The following CUX2 variants were observed in gnomAD, a reference collection of about 807,000 sequenced individuals.
The protein encoded by CUX2 is homeobox protein cut-like 2.
In CUX2, 40 loss-of-function variants were observed where a neutral mutation model predicts 144.8. That is an observed-to-expected ratio of 0.28 (90% CI 0.21 to 0.36). The LOEUF (loss-of-function observed/expected upper bound fraction) is 0.36, where lower values mean the gene tolerates loss of function less well. Among genes scored for constraint, CUX2 ranks in the 10% least tolerant of loss-of-function variants. The pLI is 1.00. For synonymous variants in CUX2, 827 were observed against 875.6 expected, an observed-to-expected ratio of 0.94 and a Z score of 0.98; for missense variants, 1,615 against 1,994.0, an observed-to-expected ratio of 0.81 and a Z score of 3.62.
At chr12:111,081,152 G>T (rs1032537305) in intron 1 of CUX2, among the ~76,000 whole-genome samples, 2 of 152,164 alleles carry the variant, frequency 1.3e-5, no homozygotes, top group Non-Finnish European at 2.9e-5. Flanking sequence ...CTGCTGCAGT[G>T]GTGGGAGGAT....
chr12:111,318,510 G>A (rs895303676), intron 16 of CUX2, among the ~76,000 whole-genome samples: 1 of 150,858 alleles, frequency 6.6e-6, no homozygotes, highest in African/African-American at 2.4e-5. Flanking sequence ...GAGCCCAGGA[G>A]TTTGAGACCA....
intron 21 of CUX2, 28 bp downstream of exon 21, chr12:111,342,081 C>A: frequency 6.3e-7 from 1 of 1,584,656 alleles, no homozygotes; most frequent in South Asian, 1.2e-5. Flanking sequence ...TACCCACAGG[C>A]GGGTGGCAGA....
intron 1 of CUX2, among the ~76,000 whole-genome samples, chr12:111,094,666 T>C (rs1872720444): frequency 6.6e-6 from 1 of 152,162 alleles, no homozygotes; most frequent in South Asian, 2.1e-4. Flanking sequence ...TCTGGCTAAT[T>C]TTTCTGGGCT....
intron 1 of CUX2, among the ~76,000 whole-genome samples, chr12:111,161,654 C>T (rs1179929688): frequency 1.3e-5 from 2 of 152,200 alleles, no homozygotes; most frequent in Non-Finnish European, 2.9e-5. Flanking sequence ...GTAGACAGGA[C>T]TGAAACAGGG....
At chr12:111,311,594 A>AT (rs767367160) in intron 15 of CUX2, among the ~76,000 whole-genome samples, 20,281 of 132,430 alleles carry the variant, frequency 0.15, 2,126 homozygotes, top group East Asian at 0.58. Flanking sequence ...CTATTTCTTT[A>AT]TTATTATTAT....
rs532019085 is a variant in CUX2, at chr12:111,240,723, C to G, written c.222+22786C>G. ...AATGCCTTGGATGGAGTCCAGTCTCCCCTCAGCCTCTCTTCTCATCTCCTC... is the reference window on the plus strand; with the variant it reads ...AATGCCTTGGATGGAGTCCAGTCTCGCCTCAGCCTCTCTTCTCATCTCCTC... On this transcript the variant is annotated intron_variant, in intron 3 of 21. Transcript: ENST00000261726. Among the ~76,000 whole-genome samples the G allele has an allele frequency of 1.1e-4, 16 of 152,270 alleles. No individual in the cohort carries two copies. In the East Asian group the frequency reaches 2.7e-3, roughly 26 times the overall value.
chr12:111,302,855 G>A (rs1247057394), intron 9 of CUX2, among the ~76,000 whole-genome samples: 1 of 144,988 alleles, frequency 6.9e-6, no homozygotes, highest in Non-Finnish European at 1.5e-5. Flanking sequence ...AGCCAAGATT[G>A]TGCCACTGCA....
At position 111,349,739 on chromosome 12, in the gene CUX2, C is replaced by T. The variant is rs1014601829; in HGVS notation, c.*1414C>T. On this transcript the variant is annotated 3_prime_UTR_variant, in exon 22 of 22. Transcript: ENST00000261726. ...GATAGAACGGCCACCATATTGGTTA[C>T]TGAATCTCTCTCCCTTGTTTTTATT... 2 of 152,336 alleles carry T rather than the reference C, an allele frequency of 1.3e-5. No homozygotes were observed. 9.4% of individuals were successfully genotyped at this position (152,336 alleles called of 1,614,324 possible). A position where few individuals can be genotyped will look rare whatever the true frequency, so the allele number is the denominator to read the frequency against.
rs1204805232 is a variant in CUX2 at position 111,062,868 on chromosome 12, C to T, written c.63+28628C>T. Among the ~76,000 whole-genome samples the T allele has an allele frequency of 7.2e-5, 11 of 152,262 alleles. No homozygotes were observed. The South Asian group carries it at 1.9e-3, about 26-fold the overall frequency. ...GAAGGCCCTGGGGTGGGAGACCATA[C>T]CTCTGGCTCCAGCAAGTGAAAGGTG... On this transcript the variant is annotated intron_variant, in intron 1 of 21. Transcript: ENST00000261726.
chr12:111,280,643 GTCACACGCCTCTC>G, intron 4 of CUX2, among the ~76,000 whole-genome samples: 1 of 152,300 alleles, frequency 6.6e-6, no homozygotes, highest in African/African-American at 2.4e-5. Context: ...CTGCAGGGGT[GTCACACGCCTCTC>G]TCCCAGCTTC....
chr12:111,211,844 G>A (rs915455484), intron 1 of CUX2, among the ~76,000 whole-genome samples: 7 of 149,206 alleles, frequency 4.7e-5, no homozygotes, highest in Non-Finnish European at 8.9e-5. Context: ...CTGAGATGGC[G>A]CCACTGCACC....
chr12:111,335,342 G>A (rs141102720), intron 19 of CUX2, among the ~76,000 whole-genome samples: 1,798 of 151,888 alleles, frequency 0.012, 25 homozygotes, highest in African/African-American at 0.038. Flanking sequence ...GCAGTGAGCC[G>A]AGATCACACC....
intron 18 of CUX2, among the ~76,000 whole-genome samples, chr12:111,326,909 A>G (rs1438485375): frequency 6.6e-6 from 1 of 152,188 alleles, no homozygotes; most frequent in Non-Finnish European, 1.5e-5. Flanking sequence ...TCTCAAACAA[A>G]GAAACAAACA....
intron 3 of CUX2, among the ~76,000 whole-genome samples, chr12:111,239,972 G>C (rs967782093): frequency 6.6e-6 from 1 of 152,210 alleles, no homozygotes; most frequent in Non-Finnish European, 1.5e-5. Context: ...TGGGGTGCAA[G>C]AAACAAAAAT....
chr12:111,308,434 C>G lies in CUX2; in HGVS notation c.1166C>G (p.Ala389Gly), dbSNP rs1446779854. ...CTGCCTCTTGTCTCCTAGGGCATGG[C>G]CAAGCCTGAAGACTCACTGCTTATT... ...SSTCSLPQGM[A>G]KPEDSLLIAK... The change falls in exon 14 of 22, where the codon GCC becomes GGC. Residue 389 changes from alanine to glycine, a missense_variant. Around this residue, in one of 12 missense-constraint regions of CUX2, gnomAD observed 57 missense variants for 60.8 expected, o/e 0.94. Transcript: ENST00000261726. The G allele has an allele frequency of 2.5e-6, 4 of 1,614,036 alleles. No individual in the cohort carries two copies. Among genetic ancestry groups the G allele is most frequent in the Non-Finnish European group, 3.4e-6 (4 of 1,180,010 alleles).
intron 3 of CUX2, among the ~76,000 whole-genome samples, chr12:111,256,430 G>A (rs1255259422): frequency 2.6e-5 from 4 of 151,944 alleles, no homozygotes; most frequent in Non-Finnish European, 4.4e-5. Context: ...GCCTCCTCTC[G>A]CTTGTCCACC....
intron 2 of CUX2, among the ~76,000 whole-genome samples, chr12:111,214,512 C>T (rs1340320042): frequency 6.6e-6 from 1 of 152,158 alleles, no homozygotes; most frequent in Non-Finnish European, 1.5e-5. Flanking sequence ...GAGGGCGGGG[C>T]GTTTCTCCAT....
chr12:111,345,620 T>C (rs1888765813), intron 21 of CUX2, among the ~76,000 whole-genome samples: 1 of 150,804 alleles, frequency 6.6e-6, no homozygotes, highest in Non-Finnish European at 1.5e-5. Flanking sequence ...CGGGCGCCTG[T>C]AGTCCCAGCT....
intron 16 of CUX2, 61 bp from the exon 17 acceptor site, chr12:111,319,951 C>A: frequency 7.1e-7 from 1 of 1,411,926 alleles, no homozygotes; most frequent in East Asian, 2.8e-5. Flanking sequence ...CTGTGAACAT[C>A]GTCCCCTGCA....
Sources: allele counts gnomAD v4.1 joint callset (sites outside exome capture counted in the v4.1 genomes callset), GRCh38; gene constraint gnomAD v4.1.1; regional missense constraint gnomAD v4.1.1; transcripts MANE v1.5; gene names NCBI Gene and HGNC (gene_info 2026-07-23, HGNC 2026-07-21).